The following IPO5 variants were observed in gnomAD, a reference collection of about 807,000 sequenced individuals.
The protein encoded by IPO5 is importin 5.
IPO5 carries 18 observed loss-of-function variants against 143.3 expected under a neutral mutation model. That is an observed-to-expected ratio of 0.13 (90% CI 0.09 to 0.19). The LOEUF is 0.19. Ranked by LOEUF, IPO5 falls within the 10% of genes least tolerant of loss-of-function variation. The pLI, the probability that IPO5 is intolerant of heterozygous loss-of-function variation, is 1.00. For synonymous variants in IPO5, 477 were observed against 465.7 expected, an observed-to-expected ratio of 1.02 and a Z score of -0.31; for missense variants, 1,013 against 1,336.9, an observed-to-expected ratio of 0.76 and a Z score of 3.78.
Position 98,019,699 on chromosome 13 carries a change from C to G in IPO5, c.2955C>G (p.Asp985Glu). 6.2e-7 allele frequency: 1 copy of G among 1,613,804 alleles called. No individual in the cohort carries two copies. Among genetic ancestry groups the G allele is most frequent in the Non-Finnish European group, 8.5e-7 (1 of 1,179,666 alleles). Reference protein sequence around the residue: ...AVGKIMKFKPDCVNVEEVLPH... With the variant: ...AVGKIMKFKPECVNVEEVLPH... Reference sequence around the variant, plus strand: ...GGAAAATCATGAAGTTCAAGCCTGACTGTGTAAACGTTGAAGAGGTCCTTC... The same window carrying G: ...GGAAAATCATGAAGTTCAAGCCTGAGTGTGTAAACGTTGAAGAGGTCCTTC... Residue 985 changes from aspartate to glutamate, a missense_variant, in exon 27 of 29, where the codon GAC becomes GAG. By Grantham distance (45) the Asp-to-Glu change is conservative. Coordinates refer to ENST00000651721, the MANE Select transcript of IPO5 (RefSeq NM_002271.6).
At chr13:97,991,436 A>T (rs1350037283) in intron 9 of IPO5, among the ~76,000 whole-genome samples, 3 of 152,238 alleles carry the variant, frequency 2.0e-5, no homozygotes, top group South Asian at 4.1e-4. Context: ...AGAATTGGTG[A>T]TAAGATTTCC....
intron 11 of IPO5, 82 bp from the exon 12 acceptor site, chr13:97,997,449 A>G (rs1888391061): frequency 2.8e-6 from 2 of 708,476 alleles, no homozygotes; most frequent in South Asian, 5.2e-5. Context: ...GCAAAGTAAA[A>G]TCTTAAAATT....
chr13:97,991,388 G>A (rs1887790467), intron 9 of IPO5, among the ~76,000 whole-genome samples: 1 of 152,162 alleles, frequency 6.6e-6, no homozygotes, highest in Non-Finnish European at 1.5e-5. Flanking sequence ...TGGACTAATA[G>A]CAAAGATATT....
At position 97,997,566 on chromosome 13, in the gene IPO5, G is replaced by A; in HGVS notation, c.949G>A (p.Glu317Lys). The change falls in exon 12 of 29, where the codon GAA becomes AAA. Residue 317 changes from glutamate to lysine, a missense_variant. This residue lies in a region of IPO5 where 685 missense variants were observed against 994.9 expected (regional missense o/e 0.69). Coordinates refer to ENST00000651721, the MANE Select transcript of IPO5 (RefSeq NM_002271.6). Reference sequence around the variant, plus strand: ...GTTAGCAATGATGGTTGATTTGGAAGAAGATGAGGACTGGGCAAATGCAGA... The same window carrying A: ...GTTAGCAATGATGGTTGATTTGGAAAAAGATGAGGACTGGGCAAATGCAGA... ...QMLAMMVDLE[E>K]DEDWANADEL... is the part of the protein sequence containing the mutation. The A allele has an allele frequency of 6.2e-7, 1 of 1,610,656 alleles. No homozygotes were observed. The highest frequency in any genetic ancestry group is 8.5e-7 in the Non-Finnish European group (1 of 1,177,244).
intron 27 of IPO5, among the ~76,000 whole-genome samples, chr13:98,020,568 A>G (rs1005092418): frequency 3.9e-5 from 6 of 152,214 alleles, no homozygotes; most frequent in African/African-American, 1.4e-4. Context: ...GACAAAGACT[A>G]GAATTCTTAA....
At chr13:97,964,090 T>C (rs1885111660) in intron 2 of IPO5, among the ~76,000 whole-genome samples, 1 of 152,196 alleles carries the variant, frequency 6.6e-6, no homozygotes, top group South Asian at 2.1e-4. Flanking sequence ...ATTCTGGACA[T>C]TAGCCCTCTG....
chr13:97,999,564 C>T (rs1888589645), intron 12 of IPO5, among the ~76,000 whole-genome samples: 1 of 152,050 alleles, frequency 6.6e-6, no homozygotes, highest in Non-Finnish European at 1.5e-5. Flanking sequence ...AGTCTAAAAA[C>T]CTGTTCTGAA....
At chr13:97,964,783 C>CGATT (rs761885350) in intron 2 of IPO5, among the ~76,000 whole-genome samples, 6 of 152,004 alleles carry the variant, frequency 3.9e-5, no homozygotes, top group Admixed American at 6.6e-5. Flanking sequence ...GACAGTGTGG[C>CGATT]GATTCCTCAA....
intron 20 of IPO5, among the ~76,000 whole-genome samples, chr13:98,011,627 C>T (rs1889727346): frequency 6.6e-6 from 1 of 151,796 alleles, no homozygotes; most frequent in African/African-American, 2.4e-5. Context: ...CTGCCTCAGC[C>T]TCCCAAGTAC....
intron 16 of IPO5, among the ~76,000 whole-genome samples, chr13:98,004,839 T>C (rs1474102944): frequency 6.6e-6 from 1 of 152,180 alleles, no homozygotes; most frequent in Admixed American, 6.5e-5. Flanking sequence ...TATGAAAATC[T>C]GGAGTAGTAA....
intron 9 of IPO5, among the ~76,000 whole-genome samples, chr13:97,992,466 C>G (rs185086144): frequency 1.9e-4 from 29 of 152,288 alleles, no homozygotes; most frequent in Admixed American, 8.5e-4. Flanking sequence ...GTCCTGGCTA[C>G]TCAGGAGTCT....
rs779612519 is a variant in IPO5 at position 98,012,227 on chromosome 13, C to T, written c.2056-19C>T. Reference sequence around the variant, plus strand: ...AGACTAACATGAATCTTTATTTCCTCCCAATACTTTGGTTACAGGTTTGCT... The same window carrying T: ...AGACTAACATGAATCTTTATTTCCTTCCAATACTTTGGTTACAGGTTTGCT... On this transcript the variant is annotated intron_variant, in intron 20 of 28. Coordinates refer to ENST00000651721, the MANE Select transcript of IPO5 (RefSeq NM_002271.6). 9.2e-6 allele frequency: 13 copies of T among 1,418,938 alleles called. No individual in the cohort carries two copies. The African/African-American group carries it at 1.5e-4, about 17-fold the overall frequency. 87.9% of individuals were successfully genotyped at this position (1,418,938 alleles called of 1,614,324 possible).
At chr13:98,016,942 G>T in intron 25 of IPO5, 91 bp downstream of exon 25, 1 of 950,082 alleles carries the variant, frequency 1.1e-6, no homozygotes. Context: ...AAGTTAAAAT[G>T]GGTCTCAGAA....
chr13:97,969,173 A>ATTTTTTTTTTTTT (rs1363779886), intron 2 of IPO5, among the ~76,000 whole-genome samples: 3 of 70,142 alleles, frequency 4.3e-5, no homozygotes, highest in African/African-American at 6.7e-5. Context: ...ATATATATAT[A>ATTTTTTTTTTTTT]TATTTTTTTT....
chr13:97,988,992 A>G, intron 6 of IPO5, 70 bp from the exon 7 acceptor site: 1 of 806,848 alleles, frequency 1.2e-6, no homozygotes, highest in East Asian at 2.6e-5. Context: ...TTATGAAATG[A>G]AAGGATTTAC....
Position 97,992,870 on chromosome 13 carries a change from C to G in IPO5, c.670-22C>G, listed in dbSNP as rs369854257. The G allele has an allele frequency of 1.8e-4, 288 of 1,595,242 alleles. 1 individual carries two copies. In the Middle Eastern group the frequency reaches 4.5e-3, roughly 25 times the overall value. The stretch of plus-strand genomic sequence containing the variant: ...TTATAAAGTGAATCTTCAGCACCGA[C>G]TTTCTGTTTCATCTTTTCTAGGCGG... On this transcript the variant is annotated intron_variant, in intron 9 of 28. Transcript: ENST00000651721.
chr13:98,021,319 T>G (rs763203851), intron 28 of IPO5, 186 bp downstream of exon 28: 55 of 446,580 alleles, frequency 1.2e-4, no homozygotes, highest in Non-Finnish European at 1.9e-4. Context: ...TTATTATTTA[T>G]TAGAATTAAA....
In IPO5 at chr13:98,012,229, C is replaced by T; in HGVS notation, c.2056-17C>T. ...ACTAACATGAATCTTTATTTCCTCC[C>T]AATACTTTGGTTACAGGTTTGCTAT... On this transcript the variant is annotated splice_polypyrimidine_tract_variant and intron_variant, in intron 20 of 28. Coordinates refer to ENST00000651721, the MANE Select transcript of IPO5 (RefSeq NM_002271.6). 2 of 1,443,730 alleles carry T rather than the reference C, an allele frequency of 1.4e-6. No homozygotes were observed. Among genetic ancestry groups the T allele is most frequent in the Non-Finnish European group, 2.0e-6 (2 of 1,024,766 alleles). 89.4% of individuals were successfully genotyped at this position (1,443,730 alleles called of 1,614,324 possible).
At chr13:98,004,436 C>T (rs2139783835) in intron 16 of IPO5, among the ~76,000 whole-genome samples, 1 of 152,292 alleles carries the variant, frequency 6.6e-6, no homozygotes, top group East Asian at 1.9e-4. Context: ...AAGTTGAAGG[C>T]AGATTGGTTG....
Sources: allele counts gnomAD v4.1 joint callset (sites outside exome capture counted in the v4.1 genomes callset), GRCh38; gene constraint gnomAD v4.1.1; regional missense constraint gnomAD v4.1.1; transcripts MANE v1.5; gene names NCBI Gene and HGNC (gene_info 2026-07-23, HGNC 2026-07-21).